Variants in DNM2 observed in about 807,000 individuals in gnomAD.
DNM2 encodes the protein dynamin-2.
Under a neutral mutation model 99.0 loss-of-function variants are expected in DNM2, and 15 were observed. That is an observed-to-expected ratio of 0.15 (90% CI 0.10 to 0.23). The LOEUF (loss-of-function observed/expected upper bound fraction) is 0.23, where lower values mean the gene tolerates loss of function less well. Ranked by LOEUF, DNM2 falls within the 10% of genes least tolerant of loss-of-function variation. The pLI is 1.00. For synonymous variants in DNM2, 525 were observed against 481.2 expected (o/e 1.09, Z -1.19); for missense variants, 742 against 1,189.4 (o/e 0.62, Z 5.53).
intron 1 of DNM2, among the ~76,000 whole-genome samples, chr19:10,731,354 CTTTT>C (rs369402403): frequency 3.6e-5 from 5 of 139,588 alleles, no homozygotes; most frequent in Admixed American, 7.2e-5. Context: ...TCTTTTCCTT[CTTTT>C]TTTTTTTTTT....
At position 10,782,948 on chromosome 19, in the gene DNM2, C is replaced by T. The variant is rs764555297; in HGVS notation, c.689-12C>T. ...CTAGCTTTGCCCCTGACCTGACTGC[C>T]TCTCCCCACAGGCTACATTGGCGTG... On this transcript the variant is annotated splice_polypyrimidine_tract_variant and intron_variant, in intron 5 of 20. Coordinates refer to ENST00000389253, the MANE Select transcript of DNM2 (RefSeq NM_001005361.3). The T allele has an allele frequency of 3.2e-5, 51 of 1,613,940 alleles. No individual in the cohort carries two copies. Among genetic ancestry groups the T allele is most frequent in the Non-Finnish European group, 4.3e-5 (51 of 1,180,054 alleles).
intron 10 of DNM2, 33 bp downstream of exon 10, chr19:10,797,551 C>A: frequency 6.2e-7 from 1 of 1,613,346 alleles, no homozygotes; most frequent in South Asian, 1.1e-5. Flanking sequence ...CCGCATTTGT[C>A]CCCGTCCTCC....
intron 1 of DNM2, among the ~76,000 whole-genome samples, chr19:10,729,630 G>C (rs1299330090): frequency 6.6e-6 from 1 of 152,162 alleles, no homozygotes; most frequent in Non-Finnish European, 1.5e-5. Flanking sequence ...GCTGCCCGTG[G>C]AATGCCGACT....
chr19:10,825,526 G>A (rs553265823), intron 18 of DNM2, among the ~76,000 whole-genome samples: 13 of 152,224 alleles, frequency 8.5e-5, no homozygotes, highest in East Asian at 3.9e-4. Context: ...AAAATTAGCC[G>A]GGCACGGTAG....
chr19:10,825,769 A>G (rs544752859), intron 18 of DNM2, among the ~76,000 whole-genome samples: 3 of 149,938 alleles, frequency 2.0e-5, no homozygotes, highest in Non-Finnish European at 4.4e-5. Flanking sequence ...CAGGACAATT[A>G]CTTGAACCTG....
At chr19:10,749,397 C>T (rs1476647078) in intron 1 of DNM2, among the ~76,000 whole-genome samples, 1 of 152,240 alleles carries the variant, frequency 6.6e-6, no homozygotes, top group African/African-American at 2.4e-5. Context: ...TGCACCCTTC[C>T]CTGCCTGTCC....
chr19:10,719,714 G>A (rs1476075007), intron 1 of DNM2, among the ~76,000 whole-genome samples: 1 of 152,138 alleles, frequency 6.6e-6, no homozygotes, highest in Non-Finnish European at 1.5e-5. Flanking sequence ...TATTGTCATT[G>A]TTATTGTTGT....
intron 15 of DNM2, among the ~76,000 whole-genome samples, chr19:10,815,392 T>A (rs1364846846): frequency 6.6e-6 from 1 of 152,206 alleles, no homozygotes; most frequent in Admixed American, 6.5e-5. Flanking sequence ...AGGATATTGG[T>A]TGGGTGGTGT....
chr19:10,825,357 A>C (rs2073109211), intron 18 of DNM2, 136 bp downstream of exon 18: 2 of 1,243,332 alleles, frequency 1.6e-6, no homozygotes, highest in Non-Finnish European at 2.3e-6. Context: ...CAAAACGGTG[A>C]AACCCCATCT....
chr19:10,802,812 A>C (rs1207545471), intron 12 of DNM2, among the ~76,000 whole-genome samples: 2 of 152,184 alleles, frequency 1.3e-5, no homozygotes, highest in African/African-American at 4.8e-5. Context: ...TACACTGTAG[A>C]TTTAAACCAG....
chr19:10,723,607 C>T (rs1443765743), intron 1 of DNM2, among the ~76,000 whole-genome samples: 2 of 152,202 alleles, frequency 1.3e-5, no homozygotes, highest in East Asian at 1.9e-4. Flanking sequence ...GCACTTCTTT[C>T]CCTTTCTTGA....
At chr19:10,803,283 G>A (rs909572492) in intron 12 of DNM2, among the ~76,000 whole-genome samples, 11 of 152,142 alleles carry the variant, frequency 7.2e-5, no homozygotes, top group African/African-American at 1.4e-4. Flanking sequence ...AACATTTATC[G>A]GTGCACCTGA....
At chr19:10,761,984 G>A (rs1019412490) in intron 2 of DNM2, among the ~76,000 whole-genome samples, 66 of 152,230 alleles carry the variant, frequency 4.3e-4, no homozygotes, top group African/African-American at 8.7e-4. Flanking sequence ...AGAAATCAGT[G>A]TTGGTAGTTT....
At chr19:10,724,187 T>C (rs1343823022) in intron 1 of DNM2, among the ~76,000 whole-genome samples, 1 of 151,808 alleles carries the variant, frequency 6.6e-6, no homozygotes, top group East Asian at 1.9e-4. Context: ...TATTATATTA[T>C]TATTCTTTGA....
chr19:10,745,932 G>A (rs1413654812), intron 1 of DNM2, among the ~76,000 whole-genome samples: 1 of 152,162 alleles, frequency 6.6e-6, no homozygotes, highest in Non-Finnish European at 1.5e-5. Context: ...AAGGCCCTGC[G>A]ACAGCAATGT....
chr19:10,767,218 T>TAA lies in DNM2; in HGVS notation c.236-5246_236-5245dup, dbSNP rs5827112. On this transcript the variant is annotated intron_variant, in intron 2 of 20. Coordinates refer to ENST00000389253, the MANE Select transcript of DNM2 (RefSeq NM_001005361.3). ...CTGATTCTTTGGGCCAGTGGATTGT[T>TAA]AAAAAAAAAAAAAAAATCATCTCAT... 7.7e-4 allele frequency among the ~76,000 whole-genome samples: 110 copies of TAA among 142,850 alleles called. No homozygotes were observed. The East Asian group carries it at 9.0e-3, about 12-fold the overall frequency. The allele number at this position is 142,850 out of a possible 152,430, so 93.7% of individuals were successfully genotyped here.
At chr19:10,732,956 T>C (rs1002977659) in intron 1 of DNM2, among the ~76,000 whole-genome samples, 5 of 151,876 alleles carry the variant, frequency 3.3e-5, no homozygotes, top group African/African-American at 1.2e-4. Context: ...CGATCTCGGC[T>C]CACTGCAAGC....
chr19:10,776,982 C>T (rs2071177340), intron 4 of DNM2, 136 bp from the exon 5 acceptor site: 2 of 794,750 alleles, frequency 2.5e-6, no homozygotes, highest in East Asian at 2.6e-5. Flanking sequence ...GGGGTCCAGG[C>T]CTGTGACGTT....
intron 1 of DNM2, among the ~76,000 whole-genome samples, chr19:10,747,872 G>C (rs2070048236): frequency 1.3e-5 from 2 of 152,106 alleles, no homozygotes; most frequent in South Asian, 4.1e-4. Flanking sequence ...ATGGCGGGGG[G>C]AGGGAGGGTG....
Sources: gnomAD v4.1 joint callset for allele counts (sites outside exome capture counted in the v4.1 genomes callset) on GRCh38, gnomAD v4.1.1 for gene constraint, MANE v1.5 for transcripts, NCBI Gene and HGNC (gene_info 2026-07-23, HGNC 2026-07-21) for gene names.